The following DAAM2 variants were observed in gnomAD, a reference collection of about 807,000 sequenced individuals.
DAAM2 encodes dishevelled associated activator of morphogenesis 2.
In DAAM2, 39 loss-of-function variants were observed where a neutral mutation model predicts 120.7. That is an observed-to-expected ratio of 0.32 (90% CI 0.25 to 0.42). The LOEUF (loss-of-function observed/expected upper bound fraction) is 0.42, where lower values mean the gene tolerates loss of function less well. Ranked by LOEUF, DAAM2 falls within the 10% of genes least tolerant of loss-of-function variation. The pLI, the probability that DAAM2 is intolerant of heterozygous loss-of-function variation, is 1.00. For missense variants in DAAM2, 1,283 were observed against 1,401.7 expected (o/e 0.92, Z 1.35); for synonymous variants, 488 against 524.9 (o/e 0.93, Z 0.96).
chr6:39,888,652 C>G (rs1430761070), intron 16 of DAAM2, 27 bp from the exon 17 acceptor site: 8 of 1,609,280 alleles, frequency 5.0e-6, no homozygotes, highest in Non-Finnish European at 6.8e-6. Flanking sequence ...GAGGGCTGTC[C>G]TGGATTGAGG....
At chr6:39,898,123 T>C (rs2149375398) in intron 21 of DAAM2, among the ~76,000 whole-genome samples, 1 of 152,354 alleles carries the variant, frequency 6.6e-6, no homozygotes, top group Middle Eastern at 3.4e-3. Flanking sequence ...ACAAACATTA[T>C]TAAGCCAGTT....
intron 1 of DAAM2, chr6:39,820,713 A>C (rs998713491): frequency 2.0e-5 from 3 of 152,208 alleles, no homozygotes; most frequent in African/African-American, 7.2e-5. Context: ...GTTTTGTTCA[A>C]ATCCTAATTT....
intron 1 of DAAM2, among the ~76,000 whole-genome samples, chr6:39,833,754 T>C (rs964546760): frequency 1.3e-5 from 2 of 152,112 alleles, no homozygotes; most frequent in Non-Finnish European, 2.9e-5. Flanking sequence ...GCTCTGATAT[T>C]AGAAGTGTAC....
At position 39,856,243 on chromosome 6, in the gene DAAM2, C is replaced by A; in HGVS notation, c.-56-4C>A. On this transcript the variant is annotated splice_region_variant and splice_polypyrimidine_tract_variant and intron_variant, in intron 1 of 24. Transcript: ENST00000274867. ...ACCACCCTGTGTTCTCTCCTCTTGT[C>A]CAGATCACAATGAGGACCTAGGGCA... 1 of 1,390,422 alleles carries A rather than the reference C, an allele frequency of 7.2e-7. No homozygotes were observed. The allele number at this position is 1,390,422 out of a possible 1,614,324, so 86.1% of individuals were successfully genotyped here. A position where few individuals can be genotyped will look rare whatever the true frequency, so the allele number is the denominator to read the frequency against.
At chr6:39,869,064 A>C in intron 7 of DAAM2, 131 bp downstream of exon 7, 1 of 692,586 alleles carries the variant, frequency 1.4e-6, no homozygotes, top group Non-Finnish European at 2.6e-6. Context: ...AGTTGCCTAC[A>C]TAGGTAGCAT....
rs575977433 is a variant in DAAM2, at chr6:39,889,387, C to T, written c.2145+624C>T. Among the ~76,000 whole-genome samples the T allele has an allele frequency of 9.8e-5, 15 of 152,290 alleles. No homozygotes were observed. In the South Asian group the frequency reaches 2.7e-3, roughly 27 times the overall value. ...ACAATAAGGGGGCACCACACACCCA[C>T]TAGAGTAGCTAAAATTAAAAAGACT... On this transcript the variant is annotated intron_variant, in intron 17 of 24. Coordinates refer to ENST00000274867, the MANE Select transcript of DAAM2 (RefSeq NM_001201427.2).
At chr6:39,868,760 C>T (rs1764529367) in intron 6 of DAAM2, 63 bp from the exon 7 acceptor site, 1 of 1,251,094 alleles carries the variant, frequency 8.0e-7, no homozygotes, top group South Asian at 1.3e-5. Flanking sequence ...AGTAAAGATG[C>T]AAAGGCCACA....
chr6:39,880,579 T>C (rs544400624), intron 14 of DAAM2, among the ~76,000 whole-genome samples: 1 of 152,288 alleles, frequency 6.6e-6, no homozygotes, highest in South Asian at 2.1e-4. Context: ...TGAGATGAGT[T>C]AAGGGTGAGG....
chr6:39,848,105 G>A (rs1013349301), intron 1 of DAAM2, among the ~76,000 whole-genome samples: 3 of 152,110 alleles, frequency 2.0e-5, no homozygotes, highest in African/African-American at 7.2e-5. Flanking sequence ...CTGAGCCCCT[G>A]GCATGTGCTG....
At chr6:39,809,002 T>C (rs1561996425) in intron 1 of DAAM2, among the ~76,000 whole-genome samples, 1 of 152,182 alleles carries the variant, frequency 6.6e-6, no homozygotes, top group East Asian at 1.9e-4. Flanking sequence ...CAGGAAGCAG[T>C]TGGCACTCCC....
In DAAM2 at chr6:39,899,399, A is replaced by G. The variant is rs74640368; in HGVS notation, c.2679+462A>G. On this transcript the variant is annotated intron_variant, in intron 22 of 24. Coordinates refer to ENST00000274867, the MANE Select transcript of DAAM2 (RefSeq NM_001201427.2). ...CCGTTCTGATGGCTTCTCGGCTGAT[A>G]CTATCTCTGGCCCTAGCCTTCCAGA... Among the ~76,000 whole-genome samples, 1,502 of 152,254 alleles carry G rather than the reference A, an allele frequency of 9.9e-3. 27 individuals carry two copies. The highest frequency in any genetic ancestry group is 0.031 in the African/African-American group (1,306 of 41,530).
chr6:39,864,939 G>A (rs377713135), intron 4 of DAAM2, 41 bp from the exon 5 acceptor site: 74 of 1,568,152 alleles, frequency 4.7e-5, no homozygotes, highest in Admixed American at 1.1e-4. Flanking sequence ...AGTGCAGAGG[G>A]TTGGGAGACA....
intron 1 of DAAM2, among the ~76,000 whole-genome samples, chr6:39,802,906 C>A (rs1010788369): frequency 1.3e-5 from 2 of 152,158 alleles, no homozygotes; most frequent in African/African-American, 4.8e-5. Context: ...ATCCTGACTT[C>A]TAGCACCATA....
At chr6:39,809,618 T>C (rs1762105367) in intron 1 of DAAM2, among the ~76,000 whole-genome samples, 1 of 152,164 alleles carries the variant, frequency 6.6e-6, no homozygotes, top group Non-Finnish European at 1.5e-5. Flanking sequence ...TCCCCTACTT[T>C]TCCCCCTAGA....
chr6:39,888,884 GAGA>G (rs1765530379), intron 17 of DAAM2, 121 bp downstream of exon 17: 1 of 655,462 alleles, frequency 1.5e-6, no homozygotes, highest in Non-Finnish European at 2.5e-6. Flanking sequence ...AAGAGTTAGG[GAGA>G]AGGTTTATAG....
In DAAM2 at chr6:39,875,510, C is replaced by G. The variant is rs567822449; in HGVS notation, c.1301+42C>G. 3 of 1,593,248 alleles carry G rather than the reference C, an allele frequency of 1.9e-6. No homozygotes were observed. In the South Asian group the frequency reaches 3.4e-5, roughly 18 times the overall value. ...CTTTGCCCTGTCTTCCTCCACCTTCCTCATCACTCTCCCACTCTGGTCTCA... is the reference window on the plus strand; with the variant it reads ...CTTTGCCCTGTCTTCCTCCACCTTCGTCATCACTCTCCCACTCTGGTCTCA... On this transcript the variant is annotated intron_variant, in intron 11 of 24. Transcript: ENST00000274867.
chr6:39,798,510 A>G (rs968498881), intron 1 of DAAM2, among the ~76,000 whole-genome samples: 1 of 152,232 alleles, frequency 6.6e-6, no homozygotes, highest in Non-Finnish European at 1.5e-5. Context: ...GCTTGTGTGA[A>G]GAAAGACTAA....
chr6:39,805,721 A>T (rs1561994746), intron 1 of DAAM2, among the ~76,000 whole-genome samples: 1 of 151,882 alleles, frequency 6.6e-6, no homozygotes, highest in African/African-American at 2.4e-5. Context: ...CACCCGGCTA[A>T]TTTTTTGTAT....
chr6:39,822,997 T>G (rs1289806408), intron 1 of DAAM2: 1 of 152,206 alleles, frequency 6.6e-6, no homozygotes, highest in Admixed American at 6.5e-5. Context: ...GAAATGTTTC[T>G]TTGTTTTCAT....
Sources: allele counts gnomAD v4.1 joint callset (sites outside exome capture counted in the v4.1 genomes callset), GRCh38; gene constraint gnomAD v4.1.1; transcripts MANE v1.5; gene names NCBI Gene and HGNC (gene_info 2026-07-23, HGNC 2026-07-21).